Variants in HIVEP3 observed in about 807,000 individuals in gnomAD.
The protein encoded by HIVEP3 is transcription factor HIVEP3.
Under a neutral mutation model 152.8 loss-of-function variants are expected in HIVEP3, and 49 were observed. The observed-to-expected ratio is 0.32, with a 90% CI of 0.26 to 0.41. HIVEP3 has a LOEUF of 0.41. Ranked by LOEUF, HIVEP3 falls within the 10% of genes least tolerant of loss-of-function variation. The pLI is 1.00. For missense variants in HIVEP3, 2,790 were observed against 3,103.3 expected, an observed-to-expected ratio of 0.90 and a Z score of 2.40; for synonymous variants, 1,269 against 1,289.0, an observed-to-expected ratio of 0.98 and a Z score of 0.33.
chr1:41,599,622 T>C (rs1008483510), intron 3 of HIVEP3, among the ~76,000 whole-genome samples: 1 of 152,144 alleles, frequency 6.6e-6, no homozygotes, highest in Non-Finnish European at 1.5e-5. Flanking sequence ...GATAAAACTA[T>C]AGAACTCTTA....
intron 2 of HIVEP3, among the ~76,000 whole-genome samples, chr1:41,689,807 G>A (rs1646168383): frequency 1.3e-5 from 2 of 152,232 alleles, no homozygotes; most frequent in South Asian, 4.1e-4. Flanking sequence ...AGTTGAATGG[G>A]ACCTTTCTTA....
At chr1:41,637,650 T>G (rs907874122) in intron 2 of HIVEP3, among the ~76,000 whole-genome samples, 1 of 152,246 alleles carries the variant, frequency 6.6e-6, no homozygotes, top group African/African-American at 2.4e-5. Context: ...TCTGTGTAGC[T>G]GTGACGGATG....
chr1:41,609,596 A>G (rs12740722), intron 3 of HIVEP3, among the ~76,000 whole-genome samples: 14,245 of 152,276 alleles, frequency 0.094, 727 homozygotes, highest in Middle Eastern at 0.18. Flanking sequence ...GCTGTCTCCA[A>G]TCCATAATGA....
chr1:41,925,343 T>TAA (rs1361378453), intron 1 of HIVEP3, among the ~76,000 whole-genome samples: 1 of 152,176 alleles, frequency 6.6e-6, no homozygotes, highest in Non-Finnish European at 1.5e-5. Context: ...AGTGATACCA[T>TAA]AAACAGTCAA....
In HIVEP3 at chr1:41,662,863, A is replaced by T. The variant is rs1327587489; in HGVS notation, c.-720-33916T>A. ...AGCGGGAGTCCATCGCCGTCCCCAA[A>T]GTGTGCGCTCCCCGCCTTCCCCCTG... On this transcript the variant is annotated intron_variant, in intron 2 of 8. Coordinates refer to ENST00000372583, the MANE Select transcript of HIVEP3 (RefSeq NM_024503.5). The surrounding 1 kb of genome is among the most constrained non-coding windows in gnomAD (Gnocchi z 7.2). 6.6e-6 allele frequency among the ~76,000 whole-genome samples: 1 copy of T among 151,942 alleles called. No homozygotes were observed. The highest frequency in any genetic ancestry group is 6.5e-5 in the Admixed American group (1 of 15,286).
rs1645736741 is a variant in HIVEP3, at chr1:41,662,734, T to G, written c.-720-33787A>C. ...TCCGCGCCCGCCCCGGCTCCGGCGC[T>G]GTCTTTTCCTCCTGGGCCCTCTAGG... On this transcript the variant is annotated intron_variant, in intron 2 of 8. Transcript: ENST00000372583. This position sits in a 1 kb window ranked among gnomAD's most constrained non-coding sequence, Gnocchi z 7.2. 6.6e-6 allele frequency among the ~76,000 whole-genome samples: 1 copy of G among 151,450 alleles called. No individual in the cohort carries two copies. The highest frequency in any genetic ancestry group is 6.6e-5 in the Admixed American group (1 of 15,264).
intron 1 of HIVEP3, among the ~76,000 whole-genome samples, chr1:41,822,944 G>A (rs1490131606): frequency 6.6e-6 from 1 of 152,162 alleles, no homozygotes; most frequent in Non-Finnish European, 1.5e-5. Flanking sequence ...GCTATGGACT[G>A]AATTGTCTGC....
chr1:41,728,387 A>G (rs1354728574), intron 1 of HIVEP3, among the ~76,000 whole-genome samples: 2 of 152,094 alleles, frequency 1.3e-5, no homozygotes, highest in African/African-American at 4.8e-5. Flanking sequence ...GGACATGAGC[A>G]GGCTGTAATG....
At chr1:41,682,077 T>TA (rs1266218036) in intron 2 of HIVEP3, among the ~76,000 whole-genome samples, 1 of 151,990 alleles carries the variant, frequency 6.6e-6, no homozygotes, top group Non-Finnish European at 1.5e-5. Context: ...CAAGCCCTCT[T>TA]ACCTCTCAAC....
At chr1:41,736,134 G>A (rs951590377) in intron 1 of HIVEP3, among the ~76,000 whole-genome samples, 7 of 152,118 alleles carry the variant, frequency 4.6e-5, no homozygotes, top group Admixed American at 2.6e-4. Flanking sequence ...AGCCCTTCAC[G>A]CTCCCACTTA....
At chr1:41,553,682 T>C (rs564699499) in intron 5 of HIVEP3, among the ~76,000 whole-genome samples, 2 of 152,278 alleles carry the variant, frequency 1.3e-5, no homozygotes, top group East Asian at 3.9e-4. Context: ...GGAGCTCTTG[T>C]AAGGCAGTCC....
rs149084724 is a variant in HIVEP3, at chr1:41,574,038, T to C, written c.5207+1506A>G. Among the ~76,000 whole-genome samples the C allele has an allele frequency of 5.5e-3, 833 of 152,154 alleles. 5 individuals carry two copies. Among genetic ancestry groups the C allele is most frequent in the African/African-American group, 0.019 (799 of 41,514 alleles). On this transcript the variant is annotated intron_variant, in intron 5 of 8. Coordinates refer to ENST00000372583, the MANE Select transcript of HIVEP3 (RefSeq NM_024503.5). ...AGCTGCCTTTCTGGAGGCTCAGGCT[T>C]CCTGAGGTCTCAGAGCACCTGCCTC... is the stretch of plus-strand genomic sequence containing the variant.
intron 3 of HIVEP3, among the ~76,000 whole-genome samples, chr1:41,621,304 T>C (rs994021529): frequency 2.0e-5 from 3 of 152,256 alleles, no homozygotes; most frequent in Non-Finnish European, 4.4e-5. Flanking sequence ...AATTCTGTTA[T>C]GGGAGGGTAT....
At chr1:41,997,146 A>C (rs1370753164) in intron 1 of HIVEP3, among the ~76,000 whole-genome samples, 13 of 152,320 alleles carry the variant, frequency 8.5e-5, no homozygotes. Context: ...ACATTATTCT[A>C]TCAACTACAC....
chr1:41,584,020 G>C lies in HIVEP3; in HGVS notation c.778C>G (p.Pro260Ala). 6.2e-7 allele frequency: 1 copy of C among 1,614,146 alleles called. No individual in the cohort carries two copies. The highest frequency in any genetic ancestry group is 8.5e-7 in the Non-Finnish European group (1 of 1,180,016). Residue 260 changes from proline (P) to alanine (A), a missense_variant, in exon 4 of 9, where the codon CCA becomes GCA. Physicochemically the swap from Pro to Ala is conservative, Grantham distance 27 (BLOSUM62 -1). Transcript: ENST00000372583. This position sits in a 1 kb window ranked among gnomAD's most constrained non-coding sequence, Gnocchi z 5.2. ...LASGMGGEMYPHGLEMERIPG... is the reference protein window; with the variant it reads ...LASGMGGEMYAHGLEMERIPG... Reference sequence around the variant, plus strand: ...ATCCGCTCCATCTCCAGCCCATGTGGGTACATCTCGCCACCCATGCCTGAG... The same window carrying C: ...ATCCGCTCCATCTCCAGCCCATGTGCGTACATCTCGCCACCCATGCCTGAG...
chr1:41,551,342 T>TA (rs1351733853), intron 5 of HIVEP3, among the ~76,000 whole-genome samples: 1 of 151,808 alleles, frequency 6.6e-6, no homozygotes, highest in Non-Finnish European at 1.5e-5. Flanking sequence ...ATTCTCTTTT[T>TA]TTTTGTTGTG....
intron 2 of HIVEP3, among the ~76,000 whole-genome samples, chr1:41,645,718 T>C (rs1645448990): frequency 6.6e-6 from 1 of 152,242 alleles, no homozygotes; most frequent in Non-Finnish European, 1.5e-5. Context: ...TAACAGAGAA[T>C]AGGTGCTCAG....
At chr1:41,743,433 T>C (rs1647026453) in intron 1 of HIVEP3, among the ~76,000 whole-genome samples, 1 of 152,158 alleles carries the variant, frequency 6.6e-6, no homozygotes, top group Non-Finnish European at 1.5e-5. Flanking sequence ...ACTAGGTGAA[T>C]GAATGAATGA....
intron 3 of HIVEP3, among the ~76,000 whole-genome samples, chr1:41,613,207 T>C (rs1431742728): frequency 1.3e-5 from 2 of 152,258 alleles, no homozygotes; most frequent in Non-Finnish European, 2.9e-5. Context: ...CCAATAGGCT[T>C]TGGCCTGAGT....
Sources: allele counts gnomAD v4.1 joint callset (sites outside exome capture counted in the v4.1 genomes callset), GRCh38; gene constraint gnomAD v4.1.1; non-coding constraint Gnocchi (gnomAD v3.1); transcripts MANE v1.5; gene names NCBI Gene and HGNC (gene_info 2026-07-23, HGNC 2026-07-21).